Variants in SLC24A3 observed in about 807,000 individuals in gnomAD.
The protein encoded by SLC24A3 is sodium/potassium/calcium exchanger 3.
A neutral mutation model predicts 75.8 loss-of-function variants in SLC24A3; 28 were observed. The ratio of observed to expected loss-of-function variants is 0.37; its 90% CI spans 0.27 to 0.51. The LOEUF is 0.51. Ranked by LOEUF, SLC24A3 falls within the 20% of genes least tolerant of loss-of-function variation. SLC24A3 has a pLI of 0.94. For synonymous variants in SLC24A3, 372 were observed against 334.1 expected (o/e 1.11, Z -1.24); for missense variants, 663 against 847.8 (o/e 0.78, Z 2.71).
Position 19,696,554 on chromosome 20 carries a change from C to G in SLC24A3, c.1492-243C>G, listed in dbSNP as rs2032808348. On this transcript the variant is annotated intron_variant, in intron 13 of 16. Transcript: ENST00000328041. ...AACCACCCGCCTCACCGGAAGAGAACAAGTGAAAAGGCCAATGTTTTGTTG... is the reference window on the plus strand; with the variant it reads ...AACCACCCGCCTCACCGGAAGAGAAGAAGTGAAAAGGCCAATGTTTTGTTG... The G allele has an allele frequency of 1.4e-5, 6 of 417,738 alleles. No homozygotes were observed. The East Asian group carries it at 1.7e-4, about 12-fold the overall frequency. 25.9% of individuals were successfully genotyped at this position (417,738 alleles called of 1,614,324 possible).
chr20:19,690,030 CAAAAAAAAAAA>C (rs538406361), intron 12 of SLC24A3, among the ~76,000 whole-genome samples: 2 of 87,828 alleles, frequency 2.3e-5, no homozygotes, highest in Non-Finnish European at 4.1e-5. Context: ...GACTCTGTCT[CAAAAAAAAAAA>C]AAAAAAAAAA....
intron 2 of SLC24A3, among the ~76,000 whole-genome samples, chr20:19,346,302 GTATA>G (rs368853257): frequency 8.1e-5 from 4 of 49,260 alleles, no homozygotes; most frequent in African/African-American, 4.9e-4. Flanking sequence ...TATATATGGT[GTATA>G]TATATATATG....
At chr20:19,719,966 G>C (rs2033086175) in intron 16 of SLC24A3, among the ~76,000 whole-genome samples, 1 of 152,178 alleles carries the variant, frequency 6.6e-6, no homozygotes, top group South Asian at 2.1e-4. Context: ...GTGGGCTATG[G>C]GCATTTGCAG....
At chr20:19,370,645 A>G (rs1320853311) in intron 2 of SLC24A3, among the ~76,000 whole-genome samples, 1 of 152,226 alleles carries the variant, frequency 6.6e-6, no homozygotes, top group Non-Finnish European at 1.5e-5. Flanking sequence ...CTGTGCCAGG[A>G]AGCTTCTAAA....
intron 2 of SLC24A3, among the ~76,000 whole-genome samples, chr20:19,441,146 G>A (rs1343137459): frequency 2.0e-5 from 3 of 152,164 alleles, no homozygotes; most frequent in Non-Finnish European, 2.9e-5. Flanking sequence ...CTAAGGATGG[G>A]CTGACCTCTG....
At chr20:19,691,956 C>T (rs1042015975) in intron 12 of SLC24A3, among the ~76,000 whole-genome samples, 6 of 152,138 alleles carry the variant, frequency 3.9e-5, no homozygotes, top group African/African-American at 1.4e-4. Context: ...TAATGAGAAA[C>T]CCCTCTGCCT....
chr20:19,611,447 G>T (rs960989030), intron 6 of SLC24A3, among the ~76,000 whole-genome samples: 1 of 152,208 alleles, frequency 6.6e-6, no homozygotes, highest in Admixed American at 6.5e-5. Context: ...TCTCTAAGCA[G>T]AGTAGCCCAT....
At chr20:19,269,175 A>T (rs1600402437) in intron 1 of SLC24A3, among the ~76,000 whole-genome samples, 1 of 152,248 alleles carries the variant, frequency 6.6e-6, no homozygotes, top group Non-Finnish European at 1.5e-5. Flanking sequence ...AAAGTAAATA[A>T]CAGCCACATG....
chr20:19,279,224 G>A (rs1460873518), intron 1 of SLC24A3, among the ~76,000 whole-genome samples: 2 of 152,234 alleles, frequency 1.3e-5, no homozygotes, highest in Non-Finnish European at 1.5e-5. Flanking sequence ...GGTGTGGCTG[G>A]GTGCACCATG....
intron 2 of SLC24A3, among the ~76,000 whole-genome samples, chr20:19,373,167 C>G (rs73902341): frequency 1.3e-5 from 2 of 152,064 alleles, no homozygotes; most frequent in Non-Finnish European, 2.9e-5. Flanking sequence ...CTATTCACAC[C>G]GAAGCTTTTA....
intron 3 of SLC24A3, among the ~76,000 whole-genome samples, chr20:19,528,030 G>C (rs1383202109): frequency 1.3e-5 from 2 of 152,124 alleles, no homozygotes; most frequent in Non-Finnish European, 2.9e-5. Flanking sequence ...TTTGTCCCAG[G>C]CTCCAAGATT....
intron 12 of SLC24A3, 90 bp downstream of exon 12, chr20:19,685,451 A>AT: frequency 1.3e-6 from 2 of 1,534,394 alleles, no homozygotes; most frequent in Non-Finnish European, 1.8e-6. Flanking sequence ...TTACCATTCA[A>AT]TTTTTTAAAA....
At chr20:19,419,024 T>A (rs117450490) in intron 2 of SLC24A3, among the ~76,000 whole-genome samples, 1,985 of 152,378 alleles carry the variant, frequency 0.013, 25 homozygotes, top group Non-Finnish European at 0.017. Context: ...CAACTCATTA[T>A]TTTGAAAGCT....
At chr20:19,629,364 A>T (rs181009846) in intron 6 of SLC24A3, among the ~76,000 whole-genome samples, 1 of 152,150 alleles carries the variant, frequency 6.6e-6, no homozygotes, top group African/African-American at 2.4e-5. Flanking sequence ...TCATAGGGGT[A>T]AAAAACAAAA....
At chr20:19,548,648 C>T (rs895855791) in intron 3 of SLC24A3, among the ~76,000 whole-genome samples, 2 of 152,156 alleles carry the variant, frequency 1.3e-5, no homozygotes, top group African/African-American at 4.8e-5. Flanking sequence ...TGCCTCTTAC[C>T]CTTGGAATCT....
chr20:19,446,893 C>T (rs1987396733), intron 2 of SLC24A3, among the ~76,000 whole-genome samples: 1 of 152,234 alleles, frequency 6.6e-6, no homozygotes, highest in Non-Finnish European at 1.5e-5. Context: ...ACCAGATTAT[C>T]CCACTTTGTG....
chr20:19,399,845 G>A (rs771740283), intron 2 of SLC24A3, among the ~76,000 whole-genome samples: 2 of 152,158 alleles, frequency 1.3e-5, no homozygotes, highest in Non-Finnish European at 1.5e-5. Flanking sequence ...GAGAGGAAGT[G>A]TTGAAGTATC....
chr20:19,678,342 C>T (rs1248702343), intron 9 of SLC24A3, among the ~76,000 whole-genome samples: 12 of 93,780 alleles, frequency 1.3e-4, no homozygotes, highest in Middle Eastern at 5.0e-3. Flanking sequence ...GGGGGCTGAC[C>T]CCCCCCACCT....
intron 6 of SLC24A3, among the ~76,000 whole-genome samples, chr20:19,644,465 G>A (rs1224707752): frequency 6.6e-6 from 1 of 152,144 alleles, no homozygotes; most frequent in Non-Finnish European, 1.5e-5. Flanking sequence ...CTGTCCCCGT[G>A]TCTTTGGGGA....
Sources: allele counts gnomAD v4.1 joint callset (sites outside exome capture counted in the v4.1 genomes callset), GRCh38; gene constraint gnomAD v4.1.1; transcripts MANE v1.5; gene names NCBI Gene and HGNC (gene_info 2026-07-23, HGNC 2026-07-21).